ERN2: variants seen among roughly 807,000 people sequenced by gnomAD.
ERN2 encodes endoplasmic reticulum to nucleus signaling 2.
ERN2 carries 111 observed loss-of-function variants against 107.9 expected under a neutral mutation model. That is an observed-to-expected ratio of 1.03 (90% CI 0.88 to 1.20). The LOEUF (loss-of-function observed/expected upper bound fraction) is 1.20. ERN2 is among the 50% of genes most tolerant of loss of function. ERN2 has a pLI of 0.00. For missense variants in ERN2, 1,225 were observed against 1,197.9 expected (o/e 1.02, Z -0.33); for synonymous variants, 524 against 501.7 (o/e 1.04, Z -0.59).
At chr16:23,704,356 A>G (rs1567251074) in intron 8 of ERN2, among the ~76,000 whole-genome samples, 1 of 152,036 alleles carries the variant, frequency 6.6e-6, no homozygotes, top group Non-Finnish European at 1.5e-5. Flanking sequence ...GGTGGGAGGT[A>G]ATTGAATCAT....
intron 8 of ERN2, 66 bp from the exon 9 acceptor site, chr16:23,702,768 G>T: frequency 7.5e-7 from 1 of 1,330,636 alleles, no homozygotes; most frequent in Non-Finnish European, 1.1e-6. Flanking sequence ...AGTTATCAAG[G>T]TACTCATGCC....
intron 17 of ERN2, 101 bp downstream of exon 17, chr16:23,694,627 G>T: frequency 1.0e-6 from 1 of 971,468 alleles, no homozygotes; most frequent in Non-Finnish European, 1.5e-6. Context: ...AAGTCACACA[G>T]CAAGTGTCAT....
chr16:23,712,126 C>A (rs1449062379), intron 1 of ERN2: 1 of 416,988 alleles, frequency 2.4e-6, no homozygotes. Context: ...TGGGGCTGGG[C>A]CACTGGTGTT....
chr16:23,712,123 G>A, intron 1 of ERN2: 1 of 419,116 alleles, frequency 2.4e-6, no homozygotes, highest in Non-Finnish European at 4.9e-6. Context: ...GTTTGGGGCT[G>A]GGCCACTGGT....
intron 21 of ERN2, 28 bp from the exon 22 acceptor site, chr16:23,691,071 G>C (rs1959571647): frequency 6.2e-7 from 1 of 1,613,766 alleles, no homozygotes; most frequent in Non-Finnish European, 8.5e-7. Flanking sequence ...AGAGAACCCT[G>C]GCTCAGCTGC....
Position 23,700,697 on chromosome 16 carries a change from G to C in ERN2, c.1367C>G (p.Pro456Arg). The part of the protein sequence containing the change: ...WILFVMRQQQ[P>R]QVVEKQQETP... ...CTCCTGCTGCTTCTCCACCACCTGC[G>C]GCTGTTGCTGTAACATGAGAGCCTA... The change falls in exon 13 of 22, where the codon CCG becomes CGG. Residue 456 changes from proline (P) to arginine (R), a missense_variant. Transcript: ENST00000256797. The C allele has an allele frequency of 6.2e-7, 1 of 1,612,180 alleles. No individual in the cohort carries two copies. Among genetic ancestry groups the C allele is most frequent in the Non-Finnish European group, 8.5e-7 (1 of 1,179,102 alleles).
intron 17 of ERN2, 54 bp downstream of exon 17, chr16:23,694,674 A>C: frequency 6.8e-7 from 1 of 1,472,268 alleles, no homozygotes; most frequent in Non-Finnish European, 9.1e-7. Flanking sequence ...ACAGGGACGG[A>C]TTCCTGCAGC....
intron 11 of ERN2, among the ~76,000 whole-genome samples, 190 bp from the exon 12 acceptor site, chr16:23,701,304 C>G (rs893321457): frequency 6.6e-6 from 1 of 152,152 alleles, no homozygotes; most frequent in Non-Finnish European, 1.5e-5. Flanking sequence ...CTAAACCTAC[C>G]CAATGACCAG....
At chr16:23,708,347 C>CATTTTT (rs1960406607) in intron 4 of ERN2, among the ~76,000 whole-genome samples, 1 of 54,716 alleles carries the variant, frequency 1.8e-5, no homozygotes, top group Non-Finnish European at 3.4e-5. Flanking sequence ...TGGTGCTATT[C>CATTTTT]TTTTTTTTTT....
Position 23,702,530 on chromosome 16 carries a change from C to A in ERN2, c.941G>T (p.Gly314Val), listed in dbSNP as rs1960129194. 1 of 1,614,064 alleles carries A rather than the reference C, an allele frequency of 6.2e-7. No homozygotes were observed. Residue 314 changes from glycine to valine, a missense_variant, in exon 10 of 22, where the codon GGA becomes GTA. By Grantham distance (109) the Gly-to-Val change is moderately radical. Transcript: ENST00000256797. ...GCCATCTGCGGGGGCCAGGGTCAGT[C>A]CACGAGGCTATGGCAGAAGATGGAG... Reference protein sequence around the residue: ...VHTGVALVPRGLTLAPADGPT... With the variant: ...VHTGVALVPRVLTLAPADGPT...
Position 23,701,028 on chromosome 16 carries a change from G to A in ERN2, c.1290C>T (p.Pro430=), listed in dbSNP as rs1459938060. 1 of 1,614,170 alleles carries A rather than the reference G, an allele frequency of 6.2e-7. No homozygotes were observed. The highest frequency in any genetic ancestry group is 8.5e-7 in the Non-Finnish European group (1 of 1,180,020). ...TGAGGCTAGCTGCCAGCAGGTCTTG[G>A]GGTCCCAGCCCCAAGTAAGAGTCTG... ...KTPDSYLGLG[P]QDLLAASLTA... is the part of the protein sequence containing the mutation. The change falls in exon 12 of 22, where the codon CCC becomes CCT. Residue 430 remains proline (P), a synonymous_variant. Transcript: ENST00000256797.
chr16:23,698,555 G>A (rs1959918865), intron 13 of ERN2, among the ~76,000 whole-genome samples: 1 of 152,154 alleles, frequency 6.6e-6, no homozygotes, highest in African/African-American at 2.4e-5. Flanking sequence ...ATGAATTTGT[G>A]TAAGTTTTTG....
chr16:23,705,308 C>T (rs556291170), intron 7 of ERN2, among the ~76,000 whole-genome samples, 161 bp from the exon 8 acceptor site: 3 of 152,242 alleles, frequency 2.0e-5, no homozygotes, highest in African/African-American at 7.2e-5. Context: ...ACTTTGAAAA[C>T]GAGGCCATCA....
intron 4 of ERN2, chr16:23,707,337 T>C (rs1960360956): frequency 2.1e-6 from 1 of 481,550 alleles, no homozygotes; most frequent in Non-Finnish European, 3.8e-6. Flanking sequence ...CACAGCCTCT[T>C]GAGGAAATGC....
chr16:23,702,972 T>G (rs2141016109), intron 8 of ERN2, among the ~76,000 whole-genome samples: 1 of 152,110 alleles, frequency 6.6e-6, no homozygotes, highest in Middle Eastern at 3.4e-3. Flanking sequence ...GTGAGAGATC[T>G]CTTTAATCCC....
At chr16:23,700,937 G>C (rs759920087) in intron 12 of ERN2, 22 bp downstream of exon 12, 1 of 1,609,678 alleles carries the variant, frequency 6.2e-7, no homozygotes, top group South Asian at 1.1e-5. Context: ...AGATAGACCT[G>C]AGGTCAGGGC....
At chr16:23,700,868 G>A in intron 12 of ERN2, 91 bp downstream of exon 12, 1 of 1,500,288 alleles carries the variant, frequency 6.7e-7, no homozygotes, top group Non-Finnish European at 9.0e-7. Context: ...CAAAATCAGA[G>A]CTGGGTAGAG....
intron 8 of ERN2, among the ~76,000 whole-genome samples, chr16:23,703,763 C>G (rs1306347222): frequency 1.3e-5 from 2 of 151,988 alleles, no homozygotes; most frequent in African/African-American, 4.8e-5. Context: ...ATTCTATGCT[C>G]TCTCATCTCT....
At chr16:23,706,288 G>A (rs1177390971) in intron 7 of ERN2, 42 bp downstream of exon 7, 1 of 1,364,170 alleles carries the variant, frequency 7.3e-7, no homozygotes, top group South Asian at 1.5e-5. Flanking sequence ...CCTGGGTTGG[G>A]GACCTTGCTC....
Sources: gnomAD v4.1 joint callset for allele counts (sites outside exome capture counted in the v4.1 genomes callset) on GRCh38, gnomAD v4.1.1 for gene constraint, MANE v1.5 for transcripts, NCBI Gene and HGNC (gene_info 2026-07-23, HGNC 2026-07-21) for gene names.